CDK14: variants seen among roughly 807,000 people sequenced by gnomAD.
CDK14 encodes the protein cyclin-dependent kinase 14.
Under a neutral mutation model 60.7 loss-of-function variants are expected in CDK14, and 34 were observed. The observed-to-expected ratio is 0.56, with a 90% confidence interval of 0.43 to 0.75. The LOEUF (loss-of-function observed/expected upper bound fraction) is 0.75, where lower values mean the gene tolerates loss of function less well. Ranked by LOEUF, CDK14 falls within the 30% of genes least tolerant of loss-of-function variation. The probability of loss-of-function intolerance (pLI) is 0.00; values close to 1 mark genes in which losing one functional copy is unlikely to be tolerated. For synonymous variants in CDK14, 197 were observed against 203.7 expected (o/e 0.97, Z 0.28); for missense variants, 482 against 564.1 (o/e 0.85, Z 1.47).
At chr7:91,052,972 G>A (rs1208383639) in intron 11 of CDK14, among the ~76,000 whole-genome samples, 1 of 151,794 alleles carries the variant, frequency 6.6e-6, no homozygotes, top group East Asian at 1.9e-4. Context: ...TTTACATACG[G>A]ACTTAGCTGT....
intron 9 of CDK14, among the ~76,000 whole-genome samples, chr7:90,976,526 A>AT (rs1014154845): frequency 1.4e-4 from 20 of 147,436 alleles, no homozygotes; most frequent in Admixed American, 4.1e-4. Context: ...TGCCTGGCAA[A>AT]TTTTTTTTTT....
intron 6 of CDK14, among the ~76,000 whole-genome samples, chr7:90,897,730 T>C (rs545752312): frequency 1.8e-3 from 267 of 152,178 alleles, no homozygotes; most frequent in Non-Finnish European, 3.4e-3. Context: ...AATAAAACTT[T>C]TATATAGTTA....
chr7:91,139,392 A>G (rs1295321498), intron 14 of CDK14, among the ~76,000 whole-genome samples: 1 of 152,192 alleles, frequency 6.6e-6, no homozygotes, highest in Non-Finnish European at 1.5e-5. Context: ...ATTTATATCT[A>G]TACTGAGTCA....
At chr7:90,630,327 A>G (rs1047335840) in intron 2 of CDK14, among the ~76,000 whole-genome samples, 2 of 152,186 alleles carry the variant, frequency 1.3e-5, no homozygotes, top group African/African-American at 4.8e-5. Context: ...GGTATAGCCT[A>G]TTGTTCCTGG....
At chr7:90,869,926 A>C (rs1229027604) in intron 6 of CDK14, among the ~76,000 whole-genome samples, 2 of 152,130 alleles carry the variant, frequency 1.3e-5, no homozygotes. Flanking sequence ...AACATCCTAC[A>C]TTATCATTGC....
At chr7:91,192,964 G>A (rs1802417199) in intron 14 of CDK14, among the ~76,000 whole-genome samples, 1 of 152,134 alleles carries the variant, frequency 6.6e-6, no homozygotes. Context: ...GAAATATGAT[G>A]CATAGACTGA....
intron 10 of CDK14, among the ~76,000 whole-genome samples, chr7:91,023,805 A>C (rs1266285912): frequency 6.6e-6 from 1 of 152,040 alleles, no homozygotes; most frequent in Non-Finnish European, 1.5e-5. Flanking sequence ...CTCACCTGTC[A>C]CCCAGGCTGA....
At chr7:90,750,158 A>G (rs1312310821) in intron 4 of CDK14, among the ~76,000 whole-genome samples, 1 of 7,644 alleles carries the variant, frequency 1.3e-4, no homozygotes, top group Non-Finnish European at 6.1e-4. Context: ...AAGAAAACAC[A>G]CACACACACA....
chr7:90,827,851 A>T (rs941324079), intron 5 of CDK14, among the ~76,000 whole-genome samples: 2 of 152,238 alleles, frequency 1.3e-5, no homozygotes, highest in Admixed American at 1.3e-4. Flanking sequence ...TCTCCATGTG[A>T]TAGCTTAAAA....
At chr7:90,681,643 A>G (rs1348966973) in intron 2 of CDK14, among the ~76,000 whole-genome samples, 2 of 152,204 alleles carry the variant, frequency 1.3e-5, no homozygotes, top group Non-Finnish European at 2.9e-5. Flanking sequence ...GGCTGTTTCT[A>G]TGAAAAAATA....
chr7:91,154,229 T>G (rs1800910120), intron 14 of CDK14, among the ~76,000 whole-genome samples: 1 of 151,980 alleles, frequency 6.6e-6, no homozygotes, highest in Non-Finnish European at 1.5e-5. Context: ...CTCCTTTTTT[T>G]TCTGCTTAGT....
At chr7:90,854,689 C>T (rs368177300) in intron 5 of CDK14, among the ~76,000 whole-genome samples, 1 of 149,916 alleles carries the variant, frequency 6.7e-6, no homozygotes. Context: ...TTGTAGTGCT[C>T]TTGTTAACTG....
intron 6 of CDK14, among the ~76,000 whole-genome samples, chr7:90,889,421 T>C (rs1298346810): frequency 1.3e-5 from 2 of 152,238 alleles, no homozygotes; most frequent in Non-Finnish European, 2.9e-5. Flanking sequence ...AAATGCTTCC[T>C]GTTCCAGTCA....
At chr7:90,613,795 A>T (rs1333136901) in intron 2 of CDK14, among the ~76,000 whole-genome samples, 1 of 152,144 alleles carries the variant, frequency 6.6e-6, no homozygotes, top group African/African-American at 2.4e-5. Context: ...GCTCAGCTGC[A>T]GTACATTATG....
At chr7:90,830,477 T>A (rs1158715805) in intron 5 of CDK14, among the ~76,000 whole-genome samples, 1 of 152,242 alleles carries the variant, frequency 6.6e-6, no homozygotes, top group Non-Finnish European at 1.5e-5. Context: ...CTCCTAGGCT[T>A]CTGGGCTTGT....
intron 14 of CDK14, among the ~76,000 whole-genome samples, chr7:91,158,054 A>G (rs562981155): frequency 1.4e-4 from 21 of 147,836 alleles, no homozygotes; most frequent in Non-Finnish European, 1.9e-4. Context: ...CATTTTTTAT[A>G]TAATATATTA....
Position 91,092,134 on chromosome 7 carries a change from A to G in CDK14, c.1154+12654A>G, listed in dbSNP as rs963784466. Among the ~76,000 whole-genome samples, 4 of 152,224 alleles carry G rather than the reference A, an allele frequency of 2.6e-5. No individual in the cohort carries two copies. In the East Asian group the frequency reaches 7.7e-4, roughly 29 times the overall value. On this transcript the variant is annotated intron_variant, in intron 12 of 14. Transcript: ENST00000380050. ...AATCATGCCAATTTGGGTTTTCTTA[A>G]AGCCACAGATATGAAATGTCACCTT...
chr7:91,198,756 T>A (rs952951184), intron 14 of CDK14, among the ~76,000 whole-genome samples: 1 of 152,228 alleles, frequency 6.6e-6, no homozygotes, highest in Non-Finnish European at 1.5e-5. Flanking sequence ...AGGTTCAAAG[T>A]CGTAGGTGAC....
chr7:90,777,947 G>A (rs2116917970), intron 4 of CDK14, among the ~76,000 whole-genome samples: 2 of 152,046 alleles, frequency 1.3e-5, no homozygotes, highest in East Asian at 3.9e-4. Context: ...CATCCTTTAG[G>A]CTCTTTCCAT....
Sources: allele counts gnomAD v4.1 joint callset (sites outside exome capture counted in the v4.1 genomes callset), GRCh38; gene constraint gnomAD v4.1.1; transcripts MANE v1.5; gene names NCBI Gene and HGNC (gene_info 2026-07-23, HGNC 2026-07-21).